The following TMC5 variants were observed in gnomAD, a reference collection of about 807,000 sequenced individuals.
The protein encoded by TMC5 is transmembrane channel like 5.
Under a neutral mutation model 110.5 loss-of-function variants are expected in TMC5, and 86 were observed. The observed-to-expected ratio is 0.78, with a 90% CI of 0.65 to 0.93. The LOEUF (loss-of-function observed/expected upper bound fraction) is 0.93. Ranked by LOEUF, TMC5 falls within the 40% of genes least tolerant of loss-of-function variation. The pLI is 0.00. For synonymous variants in TMC5, 455 were observed against 439.5 expected, an observed-to-expected ratio of 1.04 and a Z score of -0.44; for missense variants, 1,144 against 1,222.8, an observed-to-expected ratio of 0.94 and a Z score of 0.96.
upstream of TMC5, among the ~76,000 whole-genome samples, chr16:19,416,190 GA>G (rs752182776): frequency 1.8e-3 from 231 of 125,692 alleles, no homozygotes; most frequent in Middle Eastern, 4.0e-3. Flanking sequence ...TGTCTCAAAG[GA>G]AAAAAAAAAA....
chr16:19,456,447 A>G (rs1466042166), intron 5 of TMC5: 3 of 1,161,082 alleles, frequency 2.6e-6, no homozygotes, highest in Non-Finnish European at 3.2e-6. Flanking sequence ...CCTAGCTACC[A>G]AGACAGAATT....
chr16:19,480,851 C>CT (rs941879693), intron 14 of TMC5, among the ~76,000 whole-genome samples: 8 of 139,258 alleles, frequency 5.7e-5, no homozygotes, highest in South Asian at 4.6e-4. Flanking sequence ...TTTGACAGAT[C>CT]TTTTTTTTTA....
At chr16:19,442,325 A>ATTTTT (rs143016414) in intron 3 of TMC5, among the ~76,000 whole-genome samples, 1 of 123,446 alleles carries the variant, frequency 8.1e-6, no homozygotes, top group Non-Finnish European at 1.7e-5. Flanking sequence ...ACAAAATGTA[A>ATTTTT]TTTTTTTTTT....
rs555059310 is a variant in TMC5, at chr16:19,470,282, G to A, written c.1782+457G>A. ...TGGCTCACTGCAACCTCTGCCTCCC[G>A]GGTTCAGGCGATTCTGCTACATCAG... On this transcript the variant is annotated intron_variant, in intron 10 of 21. Transcript: ENST00000542583. Among the ~76,000 whole-genome samples, 13 of 151,612 alleles carry A rather than the reference G, an allele frequency of 8.6e-5. No homozygotes were observed. The South Asian group carries it at 2.5e-3, about 29-fold the overall frequency.
intron 3 of TMC5, among the ~76,000 whole-genome samples, chr16:19,442,580 C>T (rs769153728): frequency 3.3e-5 from 5 of 152,080 alleles, no homozygotes; most frequent in Non-Finnish European, 7.4e-5. Context: ...CTGCTTGCCT[C>T]GGCCTCTCAA....
intron 4 of TMC5, among the ~76,000 whole-genome samples, chr16:19,446,233 G>T (rs529485078): frequency 6.6e-6 from 1 of 152,110 alleles, no homozygotes; most frequent in South Asian, 2.1e-4. Flanking sequence ...CCTCCACAGG[G>T]GCAATAGAAA....
Position 19,490,444 on chromosome 16 carries a change from A to T in TMC5, c.2623A>T (p.Ile875Phe). The change falls in exon 18 of 22, where the codon ATT (isoleucine) becomes TTT (phenylalanine). Residue 875 changes from isoleucine to phenylalanine, a missense_variant. Physicochemically the swap from Ile to Phe is conservative, Grantham distance 21. Transcript: ENST00000542583. Reference sequence around the variant, plus strand: ...CCCTTTTCGAGGTCTGCCTCTCTTCATTCACTCCATCTACAGCTGGATCGA... The same window carrying T: ...CCCTTTTCGAGGTCTGCCTCTCTTCTTTCACTCCATCTACAGCTGGATCGA... ...CGPFRGLPLF[I>F]HSIYSWIDTL... 7 of 1,614,088 alleles carry T rather than the reference A, an allele frequency of 4.3e-6. No individual in the cohort carries two copies. The highest frequency in any genetic ancestry group is 4.2e-6 in the Non-Finnish European group (5 of 1,180,022).
At chr16:19,453,909 A>C (rs1967806535) in intron 5 of TMC5, among the ~76,000 whole-genome samples, 2 of 152,170 alleles carry the variant, frequency 1.3e-5, no homozygotes, top group South Asian at 4.1e-4. Context: ...TTTGAGATGG[A>C]ATCTCACTAT....
intron 4 of TMC5, 151 bp from the exon 5 acceptor site, chr16:19,449,391 T>A: frequency 1.5e-6 from 1 of 651,346 alleles, no homozygotes; most frequent in Non-Finnish European, 2.8e-6. Flanking sequence ...TCCACCCAAG[T>A]TCTTAATCAG....
intron 10 of TMC5, among the ~76,000 whole-genome samples, chr16:19,470,434 G>A (rs1033496486): frequency 1.3e-4 from 20 of 151,780 alleles, no homozygotes; most frequent in African/African-American, 4.8e-4. Context: ...TGATCCACCC[G>A]CCTTGGCCTC....
intron 17 of TMC5, 90 bp downstream of exon 17, chr16:19,487,416 G>T: frequency 1.3e-6 from 2 of 1,489,952 alleles, no homozygotes; most frequent in South Asian, 2.7e-5. Flanking sequence ...TTCAGGTGTG[G>T]TGAGGCCGGG....
chr16:19,434,327 C>CA (rs1967280775), intron 2 of TMC5, among the ~76,000 whole-genome samples: 1 of 106,404 alleles, frequency 9.4e-6, no homozygotes, highest in African/African-American at 3.6e-5. Flanking sequence ...TAATATAGAT[C>CA]TATATATAAT....
chr16:19,468,334 G>A lies in TMC5; in HGVS notation c.1638-1347G>A, dbSNP rs530470431. Among the ~76,000 whole-genome samples the A allele has an allele frequency of 1.6e-4, 24 of 152,212 alleles. No individual in the cohort carries two copies. In the South Asian group the frequency reaches 4.0e-3, roughly 25 times the overall value. ...GGCAAATTTCAGAACAGCAGCATCC[G>A]TCCATCTTGTGCAGCATTTTTGTGT... is the stretch of plus-strand genomic sequence containing the variant. On this transcript the variant is annotated intron_variant, in intron 9 of 21. Transcript: ENST00000542583.
At chr16:19,485,170 C>T (rs1463894620) in intron 15 of TMC5, among the ~76,000 whole-genome samples, 5 of 139,876 alleles carry the variant, frequency 3.6e-5, no homozygotes, top group African/African-American at 1.3e-4. Flanking sequence ...TAGATGATAA[C>T]TGCTTTTCAT....
upstream of TMC5, among the ~76,000 whole-genome samples, chr16:19,416,322 G>T (rs1966877314): frequency 6.6e-6 from 1 of 152,058 alleles, no homozygotes; most frequent in Admixed American, 6.5e-5. Context: ...GATTTTGTTT[G>T]TTCTGGTATT....
chr16:19,425,843 C>T (rs1054094159), intron 1 of TMC5, among the ~76,000 whole-genome samples: 3 of 152,146 alleles, frequency 2.0e-5, no homozygotes, highest in Admixed American at 1.3e-4. Context: ...TGCACCACCA[C>T]GCTCAGCTCA....
At chr16:19,413,173 C>T (rs1374352451), upstream of TMC5, among the ~76,000 whole-genome samples, 1 of 152,126 alleles carries the variant, frequency 6.6e-6, no homozygotes, top group African/African-American at 2.4e-5. Context: ...CAGGGATCTC[C>T]ACCTGTCAAA....
In TMC5 at chr16:19,473,934, C is replaced by T. The variant is rs113717448; in HGVS notation, c.1939-191C>T. ...AGTGGAAGTTTCAGTGAGCTGAGAT[C>T]GCGCCACTGCAGTCCAGCCTGGGCA... On this transcript the variant is annotated intron_variant, in intron 11 of 21. Coordinates refer to ENST00000542583, the MANE Select transcript of TMC5 (RefSeq NM_001261841.2). Among the ~76,000 whole-genome samples the T allele has an allele frequency of 1.2e-4, 19 of 152,154 alleles. 1 individual carries two copies. The highest frequency in any genetic ancestry group is 4.1e-4 in the South Asian group (2 of 4,820).
chr16:19,487,410 G>T, intron 17 of TMC5, 84 bp downstream of exon 17: 2 of 1,512,872 alleles, frequency 1.3e-6, no homozygotes, highest in East Asian at 2.3e-5. Context: ...TTATAATTCA[G>T]GTGTGGTGAG....
Sources: allele counts gnomAD v4.1 joint callset (sites outside exome capture counted in the v4.1 genomes callset), GRCh38; gene constraint gnomAD v4.1.1; transcripts MANE v1.5; gene names NCBI Gene and HGNC (gene_info 2026-07-23, HGNC 2026-07-21).